The following NALF1 variants were observed in gnomAD, a reference collection of about 807,000 sequenced individuals.
NALF1 encodes family with sequence similarity 155 member A.
A neutral mutation model predicts 48.4 loss-of-function variants in NALF1; 3 were observed. The observed-to-expected ratio is 0.06, with a 90% CI of 0.03 to 0.16. The LOEUF is 0.16. Ranked by LOEUF, NALF1 falls within the 10% of genes least tolerant of loss-of-function variation. The pLI is 1.00. For synonymous variants in NALF1, 262 were observed against 245.7 expected (o/e 1.07, Z -0.62); for missense variants, 526 against 571.5 (o/e 0.92, Z 0.81).
At chr13:107,707,868 T>C (rs1044687920) in intron 1 of NALF1, among the ~76,000 whole-genome samples, 2 of 152,172 alleles carry the variant, frequency 1.3e-5, no homozygotes, top group Non-Finnish European at 2.9e-5. Context: ...ACTGATACTC[T>C]ATATTTTCTG....
intron 1 of NALF1, among the ~76,000 whole-genome samples, chr13:107,739,771 T>TCC (rs1459706057): frequency 6.6e-6 from 1 of 152,130 alleles, no homozygotes; most frequent in Non-Finnish European, 1.5e-5. Context: ...TCCAGCTGCT[T>TCC]CCCAGTGCTC....
At chr13:107,401,668 C>T (rs575587726) in intron 1 of NALF1, among the ~76,000 whole-genome samples, 110 of 149,704 alleles carry the variant, frequency 7.3e-4, no homozygotes, top group African/African-American at 2.6e-3. Flanking sequence ...ATTATTCTCA[C>T]CCAACAGAAA....
intron 1 of NALF1, among the ~76,000 whole-genome samples, chr13:107,503,562 T>C (rs569596220): frequency 6.6e-6 from 1 of 152,114 alleles, no homozygotes; most frequent in Non-Finnish European, 1.5e-5. Flanking sequence ...GAAATAAAAC[T>C]AGGGCTACCA....
intron 1 of NALF1, among the ~76,000 whole-genome samples, chr13:107,517,488 C>G (rs145127129): frequency 4.6e-5 from 7 of 151,882 alleles, no homozygotes; most frequent in African/African-American, 1.7e-4. Context: ...AAAAATTAGC[C>G]GGGCGTGGTG....
chr13:107,378,828 A>G (rs567375138), intron 1 of NALF1, among the ~76,000 whole-genome samples: 1 of 152,338 alleles, frequency 6.6e-6, no homozygotes, highest in African/African-American at 2.4e-5. Flanking sequence ...AAATTTTAAA[A>G]TATTATTGTT....
intron 1 of NALF1, among the ~76,000 whole-genome samples, chr13:107,361,222 T>C (rs555931757): frequency 2.7e-4 from 41 of 152,266 alleles, no homozygotes; most frequent in Middle Eastern, 3.4e-3. Context: ...CATATACAAA[T>C]GAGCTGGAGG....
intron 1 of NALF1, among the ~76,000 whole-genome samples, chr13:107,534,443 G>A (rs1482692546): frequency 6.6e-6 from 1 of 152,116 alleles, no homozygotes; most frequent in Non-Finnish European, 1.5e-5. Context: ...AAGTTAATAT[G>A]AAATACTAAT....
At chr13:107,631,769 A>G (rs1879841495) in intron 1 of NALF1, among the ~76,000 whole-genome samples, 2 of 152,120 alleles carry the variant, frequency 1.3e-5, no homozygotes, top group Admixed American at 1.3e-4. Context: ...TCAAGAGAGA[A>G]TTCATCTCAC....
At chr13:107,538,119 T>G (rs910309470) in intron 1 of NALF1, among the ~76,000 whole-genome samples, 8 of 152,166 alleles carry the variant, frequency 5.3e-5, no homozygotes, top group Non-Finnish European at 1.2e-4. Context: ...TGTGAAGATT[T>G]TCCAGATCCA....
intron 1 of NALF1, among the ~76,000 whole-genome samples, chr13:107,688,497 T>C (rs1444158781): frequency 6.6e-6 from 1 of 152,208 alleles, no homozygotes; most frequent in African/African-American, 2.4e-5. Flanking sequence ...ATAACTATGT[T>C]TTGAACAGTA....
At chr13:107,654,955 A>C (rs1439563090) in intron 1 of NALF1, among the ~76,000 whole-genome samples, 1 of 152,148 alleles carries the variant, frequency 6.6e-6, no homozygotes, top group East Asian at 1.9e-4. Context: ...GCATCCCTTA[A>C]TGATTAAAAC....
chr13:107,540,909 T>C (rs1402207266), intron 1 of NALF1, among the ~76,000 whole-genome samples: 2 of 152,138 alleles, frequency 1.3e-5, no homozygotes, highest in African/African-American at 4.8e-5. Flanking sequence ...TGAAACACTA[T>C]GGCACCCTTT....
At chr13:107,500,613 C>A (rs1875491335) in intron 1 of NALF1, among the ~76,000 whole-genome samples, 1 of 150,788 alleles carries the variant, frequency 6.6e-6, no homozygotes, top group Non-Finnish European at 1.5e-5. Flanking sequence ...GGTATATACC[C>A]AAAGGACTAT....
At chr13:107,346,049 C>T (rs1255685094) in intron 1 of NALF1, among the ~76,000 whole-genome samples, 2 of 152,086 alleles carry the variant, frequency 1.3e-5, no homozygotes, top group Non-Finnish European at 2.9e-5. Context: ...CAAGTCAAAA[C>T]CACAATGAGC....
chr13:107,569,196 G>A (rs906001819), intron 1 of NALF1, among the ~76,000 whole-genome samples: 3 of 152,184 alleles, frequency 2.0e-5, no homozygotes, highest in South Asian at 2.1e-4. Flanking sequence ...ACAGCCAGGC[G>A]TGGTGGCTCA....
chr13:107,650,195 A>G (rs1594184118), intron 1 of NALF1, among the ~76,000 whole-genome samples: 1 of 152,048 alleles, frequency 6.6e-6, no homozygotes, highest in African/African-American at 2.4e-5. Context: ...TAAAGTCATT[A>G]CAGATGCCCC....
chr13:107,260,261 A>G (rs1019507357), intron 1 of NALF1, among the ~76,000 whole-genome samples: 1 of 152,250 alleles, frequency 6.6e-6, no homozygotes, highest in African/African-American at 2.4e-5. Context: ...GCATATAGCC[A>G]ATAACTAGTT....
At chr13:107,777,762 C>T (rs1295098694) in intron 1 of NALF1, among the ~76,000 whole-genome samples, 1 of 152,178 alleles carries the variant, frequency 6.6e-6, no homozygotes, top group East Asian at 1.9e-4. Flanking sequence ...CTAATACATC[C>T]ATCAATGCCT....
intron 1 of NALF1, among the ~76,000 whole-genome samples, chr13:107,259,670 C>T (rs1880890961): frequency 6.6e-6 from 1 of 152,170 alleles, no homozygotes; most frequent in Non-Finnish European, 1.5e-5. Flanking sequence ...GTTGCAGTTA[C>T]CTGCTTTCAA....
Sources: gnomAD v4.1 joint callset for allele counts (sites outside exome capture counted in the v4.1 genomes callset) on GRCh38, gnomAD v4.1.1 for gene constraint, MANE v1.5 for transcripts, NCBI Gene and HGNC (gene_info 2026-07-23, HGNC 2026-07-21) for gene names.